The following TMEM44 variants were observed in gnomAD, a reference collection of about 807,000 sequenced individuals.
TMEM44 encodes the protein transmembrane protein 44.
In TMEM44, 43 loss-of-function variants were observed where a neutral mutation model predicts 47.8. The observed-to-expected ratio is 0.90, with a 90% CI of 0.70 to 1.16. The LOEUF (loss-of-function observed/expected upper bound fraction) is 1.16, where lower values mean the gene tolerates loss of function less well. Among genes scored for constraint, TMEM44 ranks in the 50% most tolerant of loss-of-function variants. The pLI, the probability that TMEM44 is intolerant of heterozygous loss-of-function variation, is 0.00. For missense variants in TMEM44, 568 were observed against 555.2 expected (o/e 1.02, Z -0.23); for synonymous variants, 277 against 238.8 (o/e 1.16, Z -1.48).
Position 194,633,243 on chromosome 3 carries a change from C to A in TMEM44, c.-28G>T. 1.6e-6 allele frequency: 2 copies of A among 1,233,124 alleles called. No homozygotes were observed. Among genetic ancestry groups the A allele is most frequent in the South Asian group, 2.7e-5 (1 of 36,612 alleles). The allele number at this position is 1,233,124 out of a possible 1,614,324, so 76.4% of individuals were successfully genotyped here. A position where few individuals can be genotyped will look rare whatever the true frequency, so the allele number is the denominator to read the frequency against. ...CGCGGCTGGGCGCGCGGCGCGGGGCCGGGGACCTGGGCGCAGCCTCCCTCG... is the reference window on the plus strand; with the variant it reads ...CGCGGCTGGGCGCGCGGCGCGGGGCAGGGGACCTGGGCGCAGCCTCCCTCG... On this transcript the variant is annotated 5_prime_UTR_variant, in exon 1 of 10. Coordinates refer to ENST00000347147, the MANE Select transcript of TMEM44 (RefSeq NM_001011655.3).
At position 194,592,195 on chromosome 3, in the gene TMEM44, G is replaced by C. The variant is rs563419173; in HGVS notation, c.1177-3556C>G. 3.3e-5 allele frequency among the ~76,000 whole-genome samples: 5 copies of C among 150,110 alleles called. No homozygotes were observed. In the East Asian group the frequency reaches 8.0e-4, roughly 24 times the overall value. The stretch of plus-strand genomic sequence containing the variant: ...ATCGCACCACTGCAGTCCGCAGTCC[G>C]GCCTGGGCGACAGAGCGAGACTCCG... On this transcript the variant is annotated intron_variant, in intron 9 of 9. Coordinates refer to ENST00000347147, the MANE Select transcript of TMEM44 (RefSeq NM_001011655.3).
chr3:194,614,317 C>T (rs1715654939), intron 7 of TMEM44, among the ~76,000 whole-genome samples: 1 of 152,104 alleles, frequency 6.6e-6, no homozygotes, highest in African/African-American at 2.4e-5. Context: ...TCTGGAGCAC[C>T]GTGTTAGGTG....
chr3:194,593,643 C>T (rs1713026588), intron 9 of TMEM44, among the ~76,000 whole-genome samples: 1 of 152,138 alleles, frequency 6.6e-6, no homozygotes, highest in Admixed American at 6.6e-5. Flanking sequence ...GCCTGGGAAA[C>T]ATATGTTTCT....
rs147331616 is a variant in TMEM44, at chr3:194,604,244, C to T, written c.1176+43G>A. 1,281 of 1,559,114 alleles carry T rather than the reference C, an allele frequency of 8.2e-4. 6 individuals are homozygous for T. The African/African-American group carries it at 0.015, about 18-fold the overall frequency. On this transcript the variant is annotated intron_variant, in intron 9 of 9. Coordinates refer to ENST00000347147, the MANE Select transcript of TMEM44 (RefSeq NM_001011655.3). ...GGAGCACCCAGCAAGTGTCGGCGAA[C>T]GATGGCACCCACGCACCCGCCCAGC...
At chr3:194,615,938 T>C (rs1373321766) in intron 6 of TMEM44, among the ~76,000 whole-genome samples, 1 of 152,172 alleles carries the variant, frequency 6.6e-6, no homozygotes, top group Non-Finnish European at 1.5e-5. Flanking sequence ...TGGTAAATAT[T>C]TGCAAAACTA....
chr3:194,633,064 C>G lies in TMEM44; in HGVS notation c.137+15G>C. 8.2e-7 allele frequency: 1 copy of G among 1,222,054 alleles called. No individual in the cohort carries two copies. The highest frequency in any genetic ancestry group is 1.1e-6 in the Non-Finnish European group (1 of 912,880). The allele number at this position is 1,222,054 out of a possible 1,614,324, so 75.7% of individuals were successfully genotyped here. ...TTTCCCCGCCCGACAGCCCCCCGAC[C>G]CGTGGCCCCATTACAGCGCGTGGGC... On this transcript the variant is annotated intron_variant, in intron 1 of 9. Coordinates refer to ENST00000347147, the MANE Select transcript of TMEM44 (RefSeq NM_001011655.3).
intron 1 of TMEM44, among the ~76,000 whole-genome samples, chr3:194,631,405 C>T (rs1281726187): frequency 1.3e-5 from 2 of 151,878 alleles, no homozygotes; most frequent in Non-Finnish European, 1.5e-5. Flanking sequence ...TGATTCTGAG[C>T]GCCTGTCCTT....
chr3:194,632,798 G>T, intron 1 of TMEM44: 1 of 426,194 alleles, frequency 2.3e-6, no homozygotes. Context: ...AGTCAATGGC[G>T]AAGGGCTGAC....
At chr3:194,630,350 G>A (rs112842143) in intron 1 of TMEM44, among the ~76,000 whole-genome samples, 137 of 43,786 alleles carry the variant, frequency 3.1e-3, no homozygotes, top group Non-Finnish European at 3.1e-3. Flanking sequence ...CCCCTGAAAT[G>A]ATACGCTGTC....
chr3:194,604,247 T>C (rs1421203715), intron 9 of TMEM44, 40 bp downstream of exon 9: 15 of 1,561,814 alleles, frequency 9.6e-6, no homozygotes, highest in Non-Finnish European at 1.3e-5. Context: ...CGGCGAACGA[T>C]GGCACCCACG....
At chr3:194,610,823 C>T in intron 8 of TMEM44, 93 bp downstream of exon 8, 1 of 1,100,236 alleles carries the variant, frequency 9.1e-7, no homozygotes, top group Non-Finnish European at 1.3e-6. Flanking sequence ...TTCTCCTGCT[C>T]ATCCCTCAGC....
intron 9 of TMEM44, among the ~76,000 whole-genome samples, chr3:194,602,807 A>G (rs1301992786): frequency 2.0e-5 from 3 of 152,184 alleles, no homozygotes; most frequent in Non-Finnish European, 2.9e-5. Context: ...TCCAGACTTC[A>G]TCCCAGTCAG....
intron 7 of TMEM44, among the ~76,000 whole-genome samples, chr3:194,612,040 A>AT (rs749165851): frequency 1.3e-5 from 2 of 151,570 alleles, no homozygotes; most frequent in Non-Finnish European, 2.9e-5. Context: ...AAATAAATAA[A>AT]TAAATAAATA....
At position 194,611,357 on chromosome 3, in the gene TMEM44, G is replaced by A. The variant is rs1012352093; in HGVS notation, c.913-337C>T. 6.6e-6 allele frequency among the ~76,000 whole-genome samples: 1 copy of A among 151,924 alleles called. No individual in the cohort carries two copies. The highest frequency in any genetic ancestry group is 1.5e-5 in the Non-Finnish European group (1 of 68,002). Reference sequence around the variant, plus strand: ...GATCCACGAGTGATCCTCCCACCTCGGCCTCCCAAAGTGCTGGGATGACAG... The same window carrying A: ...GATCCACGAGTGATCCTCCCACCTCAGCCTCCCAAAGTGCTGGGATGACAG... On this transcript the variant is annotated intron_variant, in intron 7 of 9. Transcript: ENST00000347147. This position sits in a 1 kb window ranked among gnomAD's most constrained non-coding sequence, Gnocchi z 4.2.
At chr3:194,623,398 T>C (rs1716791082) in intron 4 of TMEM44, 88 bp from the exon 5 acceptor site, 4 of 1,515,458 alleles carry the variant, frequency 2.6e-6, no homozygotes, top group Non-Finnish European at 3.6e-6. Context: ...AGGAGTCCTT[T>C]TCTGCTTTTA....
At chr3:194,619,306 G>A (rs1716277537) in intron 5 of TMEM44, among the ~76,000 whole-genome samples, 1 of 152,236 alleles carries the variant, frequency 6.6e-6, no homozygotes, top group South Asian at 2.1e-4. Flanking sequence ...CAGACAAACA[G>A]TAGATGCTTA....
At chr3:194,630,575 C>T (rs1381963160) in intron 1 of TMEM44, among the ~76,000 whole-genome samples, 6 of 91,042 alleles carry the variant, frequency 6.6e-5, no homozygotes, top group East Asian at 3.5e-4. Context: ...GATACGCTGT[C>T]GTACCTGCCT....
At chr3:194,625,201 C>T (rs552942657) in intron 3 of TMEM44, among the ~76,000 whole-genome samples, 42 of 152,314 alleles carry the variant, frequency 2.8e-4, no homozygotes, top group African/African-American at 9.9e-4. Context: ...TTCGCTTGAC[C>T]ACCCCGAACT....
At chr3:194,593,101 A>G (rs764056079) in intron 9 of TMEM44, 7 of 1,612,522 alleles carry the variant, frequency 4.3e-6, no homozygotes, top group Non-Finnish European at 4.2e-6. Context: ...AGACAGAAAA[A>G]GTGTTGGACA....
Sources: gnomAD v4.1 joint callset for allele counts (sites outside exome capture counted in the v4.1 genomes callset) on GRCh38, gnomAD v4.1.1 for gene constraint, Gnocchi (gnomAD v3.1) non-coding constraint, MANE v1.5 for transcripts, NCBI Gene and HGNC (gene_info 2026-07-23, HGNC 2026-07-21) for gene names.